The following HUNK variants were observed in gnomAD, a reference collection of about 807,000 sequenced individuals.
HUNK encodes hormonally up-regulated Neu-associated kinase.
Under a neutral mutation model 61.0 loss-of-function variants are expected in HUNK, and 21 were observed. That is an observed-to-expected ratio of 0.34 (90% CI 0.24 to 0.50). The LOEUF (loss-of-function observed/expected upper bound fraction) is 0.50. Among genes scored for constraint, HUNK ranks in the 20% least tolerant of loss-of-function variants. HUNK has a pLI of 0.98. For synonymous variants in HUNK, 371 were observed against 386.1 expected (o/e 0.96, Z 0.46); for missense variants, 772 against 945.7 (o/e 0.82, Z 2.41).
chr21:31,922,622 C>T (rs1005489258), intron 1 of HUNK, among the ~76,000 whole-genome samples: 4 of 152,210 alleles, frequency 2.6e-5, no homozygotes, highest in African/African-American at 7.2e-5. Flanking sequence ...CCACCACGCC[C>T]GGCCTCTTAG....
intron 5 of HUNK, among the ~76,000 whole-genome samples, chr21:31,960,559 A>G (rs933349642): frequency 5.3e-5 from 8 of 152,188 alleles, no homozygotes; most frequent in African/African-American, 1.9e-4. Context: ...TTTATAAAGG[A>G]AAGAGGTTTA....
At position 31,946,290 on chromosome 21, in the gene HUNK, A is replaced by G. The variant is rs1010205966; in HGVS notation, c.746+119A>G. ...TAGGTGACAGGCCCAGGAGTATGTC[A>G]TCAGGGATTCTTTGGGGCCTGGCTT... On this transcript the variant is annotated intron_variant, in intron 4 of 10. Coordinates refer to ENST00000270112, the MANE Select transcript of HUNK (RefSeq NM_014586.2). 2.1e-5 allele frequency: 21 copies of G among 985,088 alleles called. No individual in the cohort carries two copies. In the East Asian group the frequency reaches 3.9e-4, roughly 18 times the overall value. The allele number at this position is 985,088 out of a possible 1,614,324, so 61.0% of individuals were successfully genotyped here. A position where few individuals can be genotyped will look rare whatever the true frequency, so the allele number is the denominator to read the frequency against.
Position 31,974,578 on chromosome 21 carries a change from C to T in HUNK, c.1034C>T (p.Pro345Leu), listed in dbSNP as rs201828596. The T allele has an allele frequency of 5.1e-5, 82 of 1,613,418 alleles. No homozygotes were observed. Among genetic ancestry groups the T allele is most frequent in the Non-Finnish European group, 6.5e-5 (77 of 1,179,770 alleles). Residue 345 changes from proline to leucine, a missense_variant, in exon 7 of 11, where the codon CCG becomes CTG. By Grantham distance (98) the Pro-to-Leu change is moderately conservative (BLOSUM62 -3). Transcript: ENST00000270112. ...AGGATTTCTCTGGAAGATCTGAGCC[C>T]GAGCGTCGTGCTGCACATGACCGAG... ...PNRISLEDLSPSVVLHMTEKL... is the reference protein window; with the variant it reads ...PNRISLEDLSLSVVLHMTEKL...
chr21:31,946,701 C>G (rs1377212345), intron 4 of HUNK, among the ~76,000 whole-genome samples: 1 of 152,034 alleles, frequency 6.6e-6, no homozygotes, highest in Admixed American at 6.5e-5. Context: ...TGCAACCTCC[C>G]CTTCCCAGGT....
chr21:31,948,246 C>T (rs73352702), intron 4 of HUNK, among the ~76,000 whole-genome samples: 12,511 of 152,244 alleles, frequency 0.082, 1,754 homozygotes, highest in African/African-American at 0.28. Context: ...CCGCTCCCCT[C>T]CTCTCCCCAT....
intron 1 of HUNK, among the ~76,000 whole-genome samples, chr21:31,880,412 A>G (rs942276229): frequency 1.3e-5 from 2 of 152,148 alleles, no homozygotes; most frequent in African/African-American, 4.8e-5. Context: ...TGGCAGGGCC[A>G]TGCTCCCTCT....
intron 1 of HUNK, among the ~76,000 whole-genome samples, chr21:31,877,710 C>CT (rs2052275051): frequency 6.6e-6 from 1 of 152,208 alleles, no homozygotes; most frequent in South Asian, 2.1e-4. Flanking sequence ...AAAAGTACCA[C>CT]TCTCTGGCTT....
chr21:31,968,440 G>T, intron 6 of HUNK, 55 bp downstream of exon 6: 6 of 1,602,440 alleles, frequency 3.7e-6, no homozygotes, highest in Non-Finnish European at 5.1e-6. Flanking sequence ...TGTCCTACTA[G>T]CCCTGAGCAG....
intron 2 of HUNK, among the ~76,000 whole-genome samples, chr21:31,938,105 T>C (rs1460854084): frequency 1.4e-5 from 2 of 147,726 alleles, no homozygotes; most frequent in African/African-American, 2.7e-5. Flanking sequence ...AGAGTTCACC[T>C]TTTTTTCTGC....
intron 1 of HUNK, among the ~76,000 whole-genome samples, chr21:31,874,711 G>C (rs2052247018): frequency 6.6e-6 from 1 of 151,912 alleles, no homozygotes; most frequent in African/African-American, 2.4e-5. Context: ...CTACTGGCAG[G>C]AACAGAACTA....
At chr21:31,905,851 G>A (rs887377176) in intron 1 of HUNK, among the ~76,000 whole-genome samples, 5 of 152,222 alleles carry the variant, frequency 3.3e-5, no homozygotes, top group Non-Finnish European at 7.3e-5. Flanking sequence ...GAAGCCTCGT[G>A]TTCTCATAGC....
At chr21:31,987,292 C>T (rs918201006) in intron 8 of HUNK, among the ~76,000 whole-genome samples, 1 of 152,226 alleles carries the variant, frequency 6.6e-6, no homozygotes, top group Non-Finnish European at 1.5e-5. Context: ...AGGGTGGTCA[C>T]CCCAGCCAGA....
chr21:31,969,040 G>A (rs899476092), intron 6 of HUNK, among the ~76,000 whole-genome samples: 5 of 152,142 alleles, frequency 3.3e-5, no homozygotes, highest in African/African-American at 1.2e-4. Context: ...CACCACACCA[G>A]GCTAATTTTG....
At chr21:31,990,675 A>G (rs1231963448) in intron 9 of HUNK, among the ~76,000 whole-genome samples, 1 of 151,942 alleles carries the variant, frequency 6.6e-6, no homozygotes, top group Non-Finnish European at 1.5e-5. Flanking sequence ...AGCTGGGATT[A>G]CAGGTGCCCG....
At chr21:31,998,464 G>C in intron 10 of HUNK, 62 bp from the exon 11 acceptor site, 1 of 1,424,902 alleles carries the variant, frequency 7.0e-7, no homozygotes, top group Non-Finnish European at 9.5e-7. Context: ...CAGCAGGCAG[G>C]AGAAGGGCCG....
At chr21:31,960,241 C>T (rs1475981609) in intron 5 of HUNK, among the ~76,000 whole-genome samples, 1 of 152,138 alleles carries the variant, frequency 6.6e-6, no homozygotes, top group Admixed American at 6.5e-5. Flanking sequence ...ACAAACCAGT[C>T]TCTACCCTTA....
intron 1 of HUNK, among the ~76,000 whole-genome samples, chr21:31,880,646 T>C (rs1043427732): frequency 1.3e-5 from 2 of 152,218 alleles, no homozygotes; most frequent in Admixed American, 6.5e-5. Context: ...TGTTGCCTCA[T>C]TTTAACTCGA....
chr21:31,984,386 A>G (rs1405482556), intron 8 of HUNK, among the ~76,000 whole-genome samples: 1 of 152,200 alleles, frequency 6.6e-6, no homozygotes, highest in East Asian at 1.9e-4. Context: ...AACTAAAAAT[A>G]AAAGGAAAAA....
chr21:31,916,607 C>T (rs549012138), intron 1 of HUNK, among the ~76,000 whole-genome samples: 7 of 152,194 alleles, frequency 4.6e-5, no homozygotes, highest in Middle Eastern at 3.4e-3. Flanking sequence ...TTGGGGAGAG[C>T]AGTGCTTCCC....
Sources: gnomAD v4.1 joint callset for allele counts (sites outside exome capture counted in the v4.1 genomes callset) on GRCh38, gnomAD v4.1.1 for gene constraint, MANE v1.5 for transcripts, NCBI Gene and HGNC (gene_info 2026-07-23, HGNC 2026-07-21) for gene names.